Variants in WSB1 observed in about 807,000 individuals in gnomAD.
WSB1 encodes WD repeat and SOCS box containing 1.
WSB1 carries 23 observed loss-of-function variants against 50.2 expected under a neutral mutation model. The ratio of observed to expected loss-of-function variants is 0.46; its 90% CI spans 0.33 to 0.65. WSB1 has a LOEUF of 0.65. Ranked by LOEUF, WSB1 falls within the 30% of genes least tolerant of loss-of-function variation. The pLI, the probability that WSB1 is intolerant of heterozygous loss-of-function variation, is 0.02. For missense variants in WSB1, 492 were observed against 522.3 expected, an observed-to-expected ratio of 0.94 and a Z score of 0.56; for synonymous variants, 179 against 172.0, an observed-to-expected ratio of 1.04 and a Z score of -0.32.
At chr17:27,298,576 G>C (rs1413850290) in intron 1 of WSB1, among the ~76,000 whole-genome samples, 1 of 151,872 alleles carries the variant, frequency 6.6e-6, no homozygotes, top group African/African-American at 2.4e-5. Context: ...TTTTTTGCCG[G>C]GTGCGGTGGC....
In WSB1 at chr17:27,312,344, T is replaced by G. The variant is rs1412327086; in HGVS notation, c.1241T>G (p.Leu414Trp). 3.1e-6 allele frequency: 5 copies of G among 1,614,032 alleles called. No homozygotes were observed. Among genetic ancestry groups the G allele is most frequent in the Non-Finnish European group, 3.4e-6 (4 of 1,180,016 alleles). Reference protein sequence around the residue: ...VQELPIPSKLLEFLSYRI With the variant: ...VQELPIPSKLWEFLSYRI ...GAGCTGCCGATTCCTTCCAAGCTTT[T>G]GGAGTTTCTCTCGTATCGTATTTAG... Residue 414 changes from leucine to tryptophan, a missense_variant, in exon 9 of 9, where the codon TTG (leucine) becomes TGG (tryptophan). Coordinates refer to ENST00000262394, the MANE Select transcript of WSB1 (RefSeq NM_015626.10).
At chr17:27,300,169 G>GTGGGTGTGTGTGGGGGGTGGGGT in intron 1 of WSB1, among the ~76,000 whole-genome samples, 1 of 149,078 alleles carries the variant, frequency 6.7e-6, no homozygotes, top group African/African-American at 2.5e-5. Context: ...CATTTTGGGG[G>GTGGGTGTGTGTGGGGGGTGGGGT]TGGGTGTGTC....
rs142949229 is a variant in WSB1 at position 27,311,633 on chromosome 17, CTTTTTTT to C, written c.1106+37_1106+43del. 481 of 490,752 alleles carry C rather than the reference CTTTTTTT, an allele frequency of 9.8e-4. 3 individuals are homozygous for C. The highest frequency in any genetic ancestry group is 8.0e-3 in the South Asian group (286 of 35,876). The allele number at this position is 490,752 out of a possible 1,614,324, so 30.4% of individuals were successfully genotyped here. On this transcript the variant is annotated intron_variant, in intron 8 of 8. Transcript: ENST00000262394. ...AGCTGCTGGGTAAATATATTTTTCTCTTTTTTTTTTTTTTTTTTTTTTTTTTGAGATG... is the reference window on the plus strand; with the variant it reads ...AGCTGCTGGGTAAATATATTTTTCTCTTTTTTTTTTTTTTTTTTTGAGATG...
At chr17:27,310,590 C>A (rs1381351584) in intron 7 of WSB1, among the ~76,000 whole-genome samples, 1 of 152,192 alleles carries the variant, frequency 6.6e-6, no homozygotes, top group Admixed American at 6.5e-5. Context: ...ATATGTGCTG[C>A]TTGTTGGTAA....
intron 3 of WSB1, among the ~76,000 whole-genome samples, 166 bp from the exon 4 acceptor site, chr17:27,304,614 A>G (rs1341884269): frequency 6.9e-6 from 1 of 144,624 alleles, no homozygotes; most frequent in Non-Finnish European, 1.5e-5. Flanking sequence ...TCGGAGGCTG[A>G]GGTAGGGGGA....
Position 27,303,598 on chromosome 17 carries a change from G to T in WSB1, c.441G>T (p.Leu147Phe). The T allele has an allele frequency of 6.2e-7, 1 of 1,614,112 alleles. No homozygotes were observed. The highest frequency in any genetic ancestry group is 1.1e-5 in the South Asian group (1 of 91,068). The change falls in exon 3 of 9, where the codon TTG (leucine) becomes TTT (phenylalanine). Residue 147 changes from leucine to phenylalanine, a missense_variant. Physicochemically the swap from Leu to Phe is conservative, Grantham distance 22. Transcript: ENST00000262394. ...GQDQLLLATG[L>F]NNGRIKIWDV... is the part of the protein sequence containing the mutation. ...ATCAGCTACTTCTTGCTACAGGGTT[G>T]AACAATGGGCGTATCAAAATATGGG...
At chr17:27,308,995 A>G (rs1427545350) in intron 5 of WSB1, 105 bp from the exon 6 acceptor site, 2 of 1,349,806 alleles carry the variant, frequency 1.5e-6, no homozygotes, top group African/African-American at 1.5e-5. Flanking sequence ...ATAATTTATA[A>G]TGCTTAATAT....
rs538197983 is a variant in WSB1, at chr17:27,311,496, A to G, written c.999-13A>G. 3.0e-5 allele frequency: 47 copies of G among 1,574,726 alleles called. 1 individual carries two copies. In the South Asian group the frequency reaches 5.3e-4, roughly 18 times the overall value. On this transcript the variant is annotated splice_polypyrimidine_tract_variant and intron_variant, in intron 7 of 8. Transcript: ENST00000262394. ...TTTTCTACAAGATACTAAATAATTTATTTCATTTTCAGAATGGTGAGGTTC... is the reference window on the plus strand; with the variant it reads ...TTTTCTACAAGATACTAAATAATTTGTTTCATTTTCAGAATGGTGAGGTTC...
In WSB1 at chr17:27,304,926, C is replaced by A. The variant is rs1175470572; in HGVS notation, c.610+15C>A. 1.9e-6 allele frequency: 3 copies of A among 1,613,104 alleles called. No homozygotes were observed. The highest frequency in any genetic ancestry group is 2.5e-6 in the Non-Finnish European group (3 of 1,179,418). Reference sequence around the variant, plus strand: ...GAAAGATGATGGTATGTCTTTTTTCCAAGCTATGAACTAGGATTTGTTTCT... The same window carrying A: ...GAAAGATGATGGTATGTCTTTTTTCAAAGCTATGAACTAGGATTTGTTTCT... On this transcript the variant is annotated intron_variant, in intron 4 of 8. Coordinates refer to ENST00000262394, the MANE Select transcript of WSB1 (RefSeq NM_015626.10).
intron 2 of WSB1, 173 bp from the exon 3 acceptor site, chr17:27,303,191 CCTT>C (rs71933145): frequency 0.027 from 16,948 of 639,256 alleles, 924 homozygotes; most frequent in African/African-American, 0.17. Context: ...CTATTAATGT[CCTT>C]CTCTCGTAGT....
In WSB1 at chr17:27,298,757, G is replaced by A. The variant is rs181850645; in HGVS notation, c.41-3031G>A. ...TGCACGCCTGTAATCCCAGCTACTCGGGAGGCTGAGGCAGGAGAATTGCTT... is the reference window on the plus strand; with the variant it reads ...TGCACGCCTGTAATCCCAGCTACTCAGGAGGCTGAGGCAGGAGAATTGCTT... On this transcript the variant is annotated intron_variant, in intron 1 of 8. Transcript: ENST00000262394. Among the ~76,000 whole-genome samples, 244 of 152,234 alleles carry A rather than the reference G, an allele frequency of 1.6e-3. 6 individuals are homozygous for A. In the East Asian group the frequency reaches 0.037, roughly 23 times the overall value.
chr17:27,302,416 A>G (rs1352583312), intron 2 of WSB1: 2 of 152,642 alleles, frequency 1.3e-5, no homozygotes, highest in African/African-American at 2.4e-5. Context: ...GTCTCAAAAA[A>G]AAAAAAAAAA....
chr17:27,310,058 C>G lies in WSB1; in HGVS notation c.885-3C>G. 6.2e-7 allele frequency: 1 copy of G among 1,613,604 alleles called. No individual in the cohort carries two copies. Among genetic ancestry groups the G allele is most frequent in the Non-Finnish European group, 8.5e-7 (1 of 1,179,588 alleles). ...TCCACTGAAAACATATATTTGACCTCAGGCACCTGTTTCCCCCACCTACTC... is the reference window on the plus strand; with the variant it reads ...TCCACTGAAAACATATATTTGACCTGAGGCACCTGTTTCCCCCACCTACTC... On this transcript the variant is annotated splice_polypyrimidine_tract_variant and splice_region_variant and intron_variant, in intron 6 of 8. Coordinates refer to ENST00000262394, the MANE Select transcript of WSB1 (RefSeq NM_015626.10).
rs1245166116 is a variant in WSB1, at chr17:27,315,167, G to A, written c.*2798G>A. On this transcript the variant is annotated 3_prime_UTR_variant, in exon 9 of 9. Coordinates refer to ENST00000262394, the MANE Select transcript of WSB1 (RefSeq NM_015626.10). The stretch of plus-strand genomic sequence containing the variant: ...GACTGAAGGACCAAAGGAAAATAGG[G>A]AAGACGTTGATTATGGACTTGGATC... 1 of 152,178 alleles carries A rather than the reference G, an allele frequency of 6.6e-6. No homozygotes were observed. The highest frequency in any genetic ancestry group is 1.5e-5 in the Non-Finnish European group (1 of 68,032). 9.4% of individuals were successfully genotyped at this position (152,178 alleles called of 1,614,324 possible). A position where few individuals can be genotyped will look rare whatever the true frequency, so the allele number is the denominator to read the frequency against.
At position 27,306,926 on chromosome 17, in the gene WSB1, G is replaced by T. The variant is rs775678243; in HGVS notation, c.711+44G>T. ...GTACATTCATTATGAATTGGATTAT[G>T]ATAATGTGTGCATAATCATTTTAAA... On this transcript the variant is annotated intron_variant, in intron 5 of 8. Transcript: ENST00000262394. The T allele has an allele frequency of 2.8e-5, 43 of 1,561,636 alleles. No homozygotes were observed. In the South Asian group the frequency reaches 3.9e-4, roughly 14 times the overall value.
intron 6 of WSB1, 65 bp downstream of exon 6, chr17:27,309,337 T>G: frequency 7.7e-7 from 1 of 1,300,858 alleles, no homozygotes; most frequent in African/African-American, 1.5e-5. Flanking sequence ...TGTGAATAAT[T>G]ACAATCACCA....
intron 5 of WSB1, chr17:27,307,325 A>G (rs1452792510): frequency 4.6e-6 from 1 of 217,696 alleles, no homozygotes; most frequent in East Asian, 1.3e-4. Flanking sequence ...GCACTCATGT[A>G]TGTCCTACAG....
In WSB1 at chr17:27,310,048, T is replaced by C. The variant is rs760459704; in HGVS notation, c.885-13T>C. ...GTGACTGATATCCACTGAAAACATA[T>C]ATTTGACCTCAGGCACCTGTTTCCC... On this transcript the variant is annotated splice_polypyrimidine_tract_variant and intron_variant, in intron 6 of 8. Transcript: ENST00000262394. 23 of 1,611,296 alleles carry C rather than the reference T, an allele frequency of 1.4e-5. No individual in the cohort carries two copies. The highest frequency in any genetic ancestry group is 4.0e-5 in the African/African-American group (3 of 74,866).
chr17:27,295,930 C>T (rs1567681460), intron 1 of WSB1, among the ~76,000 whole-genome samples: 1 of 151,922 alleles, frequency 6.6e-6, no homozygotes, highest in African/African-American at 2.4e-5. Flanking sequence ...CTCCGGCTCC[C>T]GGTTTCAAGC....
Sources: allele counts gnomAD v4.1 joint callset (sites outside exome capture counted in the v4.1 genomes callset), GRCh38; gene constraint gnomAD v4.1.1; transcripts MANE v1.5; gene names NCBI Gene and HGNC (gene_info 2026-07-23, HGNC 2026-07-21).